The following SLCO3A1 variants were observed in gnomAD, a reference collection of about 807,000 sequenced individuals.
SLCO3A1 encodes the protein PGE1 transporter.
Under a neutral mutation model 63.1 loss-of-function variants are expected in SLCO3A1, and 27 were observed. The ratio of observed to expected loss-of-function variants is 0.43; its 90% CI spans 0.32 to 0.59. SLCO3A1 has a LOEUF of 0.59. SLCO3A1 is among the 20% of genes least tolerant of loss of function. The pLI, the probability that SLCO3A1 is intolerant of heterozygous loss-of-function variation, is 0.09. For missense variants in SLCO3A1, 773 were observed against 945.8 expected (o/e 0.82, Z 2.40); for synonymous variants, 473 against 409.9 (o/e 1.15, Z -1.86).
intron 2 of SLCO3A1, among the ~76,000 whole-genome samples, chr15:92,082,482 C>T (rs1189272167): frequency 1.3e-5 from 2 of 152,084 alleles, no homozygotes; most frequent in Admixed American, 6.6e-5. Flanking sequence ...AGCCAACCCG[C>T]GTTTCCTCCT....
intron 1 of SLCO3A1, among the ~76,000 whole-genome samples, chr15:91,909,221 C>A (rs1180873752): frequency 6.6e-6 from 1 of 152,314 alleles, no homozygotes; most frequent in East Asian, 1.9e-4. Context: ...ATTTCCCATG[C>A]TGAATTTATA....
intron 2 of SLCO3A1, among the ~76,000 whole-genome samples, chr15:92,078,439 G>A (rs1301302425): frequency 1.3e-5 from 2 of 152,208 alleles, no homozygotes; most frequent in South Asian, 2.1e-4. Flanking sequence ...TCTTGCTGTA[G>A]GCAGGTCATA....
chr15:92,009,096 T>C (rs1028502528), intron 2 of SLCO3A1, among the ~76,000 whole-genome samples: 1 of 152,236 alleles, frequency 6.6e-6, no homozygotes, highest in Non-Finnish European at 1.5e-5. Flanking sequence ...TGTGTTTTTC[T>C]TCTCACTGAC....
At chr15:92,135,513 C>G (rs2048046222) in intron 7 of SLCO3A1, among the ~76,000 whole-genome samples, 2 of 152,184 alleles carry the variant, frequency 1.3e-5, no homozygotes, top group African/African-American at 4.8e-5. Context: ...TTGCCTTGAT[C>G]TTGCAGGTTG....
chr15:92,161,139 C>T (rs1567155230), intron 9 of SLCO3A1, among the ~76,000 whole-genome samples: 2 of 152,204 alleles, frequency 1.3e-5, no homozygotes, highest in East Asian at 1.9e-4. Flanking sequence ...CCAGAGATCA[C>T]TTCCTCCTCC....
chr15:91,868,557 G>A (rs1014855897), intron 1 of SLCO3A1, among the ~76,000 whole-genome samples: 3 of 152,100 alleles, frequency 2.0e-5, no homozygotes, highest in African/African-American at 7.2e-5. Context: ...GCATTGATGC[G>A]TGACTTCCAG....
At chr15:91,925,880 A>G (rs1044503642) in intron 2 of SLCO3A1, among the ~76,000 whole-genome samples, 2 of 152,162 alleles carry the variant, frequency 1.3e-5, no homozygotes, top group Non-Finnish European at 2.9e-5. Flanking sequence ...TTAGAATCCT[A>G]GTCACTTGAA....
chr15:91,929,538 A>T (rs1401352392), intron 2 of SLCO3A1, among the ~76,000 whole-genome samples: 2 of 152,204 alleles, frequency 1.3e-5, no homozygotes, highest in Non-Finnish European at 1.5e-5. Context: ...TAATTAAAAA[A>T]GTTGTAAATT....
At chr15:91,867,624 CAA>C (rs1466487772) in intron 1 of SLCO3A1, among the ~76,000 whole-genome samples, 1 of 151,712 alleles carries the variant, frequency 6.6e-6, no homozygotes. Flanking sequence ...TGTCTCCAAA[CAA>C]AAAGTGGGTG....
Position 91,954,791 on chromosome 15 carries a change from G to A in SLCO3A1, c.646+38333G>A, listed in dbSNP as rs926732539. Among the ~76,000 whole-genome samples the A allele has an allele frequency of 1.3e-5, 2 of 152,086 alleles. No homozygotes were observed. The highest frequency in any genetic ancestry group is 4.8e-5 in the African/African-American group (2 of 41,410). ...CTTCCTTCTCCAACAGCAAGGATCC[G>A]AGGGGAAGGAGTCCATCACTGGCCT... On this transcript the variant is annotated intron_variant, in intron 2 of 9. Coordinates refer to ENST00000318445, the MANE Select transcript of SLCO3A1 (RefSeq NM_013272.4). The surrounding 1 kb of genome is among the most constrained non-coding windows in gnomAD (Gnocchi z 4.7).
chr15:92,142,030 C>T (rs1216627767), intron 7 of SLCO3A1, among the ~76,000 whole-genome samples: 1 of 152,330 alleles, frequency 6.6e-6, no homozygotes, highest in South Asian at 2.1e-4. Flanking sequence ...GCACAGATCA[C>T]TCTGGCATCT....
intron 7 of SLCO3A1, among the ~76,000 whole-genome samples, chr15:92,129,429 C>T (rs1165011322): frequency 6.6e-6 from 1 of 152,308 alleles, no homozygotes; most frequent in Non-Finnish European, 1.5e-5. Context: ...CGGTCAGTAG[C>T]CTCCTCCAAT....
At chr15:91,966,213 C>T (rs188130119) in intron 2 of SLCO3A1, among the ~76,000 whole-genome samples, 1 of 152,156 alleles carries the variant, frequency 6.6e-6, no homozygotes, top group Non-Finnish European at 1.5e-5. Context: ...CATAACTGCA[C>T]CCGTAGCTCA....
chr15:91,939,280 C>T (rs181520550), intron 2 of SLCO3A1, among the ~76,000 whole-genome samples: 19 of 152,206 alleles, frequency 1.2e-4, no homozygotes, highest in Non-Finnish European at 2.4e-4. Flanking sequence ...ATCAAGAACT[C>T]GCTCATTATC....
intron 1 of SLCO3A1, among the ~76,000 whole-genome samples, chr15:91,857,042 G>C (rs865993859): frequency 2.7e-4 from 34 of 124,468 alleles, no homozygotes; most frequent in African/African-American, 1.9e-3. Flanking sequence ...GTGTGTGTGT[G>C]TGTGTGTGTG....
intron 1 of SLCO3A1, among the ~76,000 whole-genome samples, chr15:91,904,975 A>G (rs1898258392): frequency 2.0e-5 from 3 of 152,148 alleles, no homozygotes; most frequent in African/African-American, 2.4e-5. Flanking sequence ...CCTGGTAGAG[A>G]TGGGTTGTAA....
At chr15:91,928,269 G>A (rs539244073) in intron 2 of SLCO3A1, among the ~76,000 whole-genome samples, 4 of 152,322 alleles carry the variant, frequency 2.6e-5, no homozygotes, top group African/African-American at 9.6e-5. Context: ...GGTCGCAGCT[G>A]TTATGACATA....
intron 1 of SLCO3A1, among the ~76,000 whole-genome samples, chr15:91,888,168 G>C (rs1304872542): frequency 6.6e-6 from 1 of 152,196 alleles, no homozygotes; most frequent in Non-Finnish European, 1.5e-5. Flanking sequence ...CTGTTGCAAA[G>C]TGAAGGGCTG....
In SLCO3A1 at chr15:92,027,090, CA is replaced by C. The variant is rs79713708; in HGVS notation, c.647-67776del. Among the ~76,000 whole-genome samples the C allele has an allele frequency of 5.2e-3, 635 of 121,098 alleles. 5 individuals are homozygous for C. The highest frequency in any genetic ancestry group is 0.012 in the African/African-American group (401 of 34,488). The allele number at this position is 121,098 out of a possible 152,430, so 79.4% of individuals were successfully genotyped here. A position where few individuals can be genotyped will look rare whatever the true frequency, so the allele number is the denominator to read the frequency against. On this transcript the variant is annotated intron_variant, in intron 2 of 9. Transcript: ENST00000318445. ...GGGTGACAGAGTGAGACTTTGTCTC[CA>C]AAAAAAAAAAAAAAGGGGGGGTACA...
Sources: allele counts gnomAD v4.1 joint callset (sites outside exome capture counted in the v4.1 genomes callset), GRCh38; gene constraint gnomAD v4.1.1; non-coding constraint Gnocchi (gnomAD v3.1); transcripts MANE v1.5; gene names NCBI Gene and HGNC (gene_info 2026-07-23, HGNC 2026-07-21).